KHDRBS2: variants seen among roughly 807,000 people sequenced by gnomAD.
KHDRBS2 encodes the protein KH RNA binding domain containing, signal transduction associated 2.
KHDRBS2 carries 26 observed loss-of-function variants against 44.3 expected under a neutral mutation model. The observed-to-expected ratio is 0.59, with a 90% confidence interval of 0.43 to 0.81. The LOEUF (loss-of-function observed/expected upper bound fraction) is 0.81. Ranked by LOEUF, KHDRBS2 falls within the 40% of genes least tolerant of loss-of-function variation. KHDRBS2 has a pLI of 0.00. For missense variants in KHDRBS2, 476 were observed against 433.1 expected (o/e 1.10, Z -0.88); for synonymous variants, 194 against 151.1 (o/e 1.28, Z -2.08).
chr6:61,906,763 G>C (rs180780289), intron 4 of KHDRBS2, among the ~76,000 whole-genome samples: 143 of 152,164 alleles, frequency 9.4e-4, no homozygotes, highest in African/African-American at 3.2e-3. Context: ...ATTCCATCCT[G>C]TATACCAACC....
chr6:61,911,175 A>G (rs1805985974), intron 4 of KHDRBS2, among the ~76,000 whole-genome samples: 1 of 152,160 alleles, frequency 6.6e-6, no homozygotes, highest in Non-Finnish European at 1.5e-5. Context: ...ATAACCTAGG[A>G]ATTCTAGGCC....
chr6:62,177,302 C>T lies in KHDRBS2; in HGVS notation c.102G>A (p.Lys34=), dbSNP rs374378198. 1 of 1,592,732 alleles carries T rather than the reference C, an allele frequency of 6.3e-7. No individual in the cohort carries two copies. Among genetic ancestry groups the T allele is most frequent in the South Asian group, 1.1e-5 (1 of 89,204 alleles). The change falls in exon 2 of 9, where the codon AAG becomes AAA. Residue 34 remains lysine, a synonymous_variant. Transcript: ENST00000281156. ...ASRLLAEEIE[K]FQGSDGKKED... ...CCTTTTTTCCATCAGAACCTTGAAA[C>T]TTTTCAATTTCTGGAAGAAAATCAC...
intron 1 of KHDRBS2, among the ~76,000 whole-genome samples, chr6:62,190,973 A>G (rs1585131052): frequency 6.6e-6 from 1 of 152,024 alleles, no homozygotes; most frequent in African/African-American, 2.4e-5. Context: ...GGACCCCTTC[A>G]ACCAGTTTCC....
At chr6:61,676,260 G>C (rs1765933311), downstream of KHDRBS2, among the ~76,000 whole-genome samples, 1 of 151,780 alleles carries the variant, frequency 6.6e-6, no homozygotes, top group South Asian at 2.1e-4. Context: ...TATTTTAAGA[G>C]TGAGGCAAGT....
At chr6:61,866,584 C>G (rs1797837611) in intron 6 of KHDRBS2, among the ~76,000 whole-genome samples, 1 of 152,192 alleles carries the variant, frequency 6.6e-6, no homozygotes, top group Non-Finnish European at 1.5e-5. Flanking sequence ...ATTTCTGCAG[C>G]CAGCTTAAAT....
intron 1 of KHDRBS2, among the ~76,000 whole-genome samples, chr6:62,274,814 T>G (rs967738520): frequency 3.9e-5 from 6 of 152,054 alleles, no homozygotes; most frequent in Admixed American, 1.3e-4. Context: ...TCAAACTAAA[T>G]GTAAATCTCA....
rs557708588 is a variant in KHDRBS2 at position 62,090,459 on chromosome 6, T to C, written c.220-42465A>G. On this transcript the variant is annotated intron_variant, in intron 2 of 8. Coordinates refer to ENST00000281156, the MANE Select transcript of KHDRBS2 (RefSeq NM_152688.4). ...TCAGATAATTCAGTGTCAAAACAAA[T>C]TCCCATTTGGTGCACAAATCGTATA... 2.0e-5 allele frequency among the ~76,000 whole-genome samples: 3 copies of C among 152,278 alleles called. No homozygotes were observed. In the South Asian group the frequency reaches 6.2e-4, roughly 32 times the overall value.
chr6:61,901,586 C>T (rs1317867621), intron 4 of KHDRBS2, among the ~76,000 whole-genome samples: 1 of 151,924 alleles, frequency 6.6e-6, no homozygotes. Context: ...CTTCTTTTAT[C>T]AAGAAAGTAC....
Position 62,178,526 on chromosome 6 carries a change from T to G in KHDRBS2, c.92-1214A>C, listed in dbSNP as rs557890570. 1.9e-4 allele frequency among the ~76,000 whole-genome samples: 29 copies of G among 151,494 alleles called. No individual in the cohort carries two copies. The South Asian group carries it at 6.0e-3, about 31-fold the overall frequency. On this transcript the variant is annotated intron_variant, in intron 1 of 8. Transcript: ENST00000281156. ...ATAACATAGTATGTAATATGCAAAA[T>G]CAATCACAGCAGAAGGCAAGCAAAA...
intron 8 of KHDRBS2, among the ~76,000 whole-genome samples, chr6:61,693,621 C>G (rs1416596558): frequency 6.6e-6 from 1 of 152,036 alleles, no homozygotes; most frequent in Non-Finnish European, 1.5e-5. Context: ...CAGTAAAATC[C>G]CTTTCTACAT....
At chr6:62,233,649 C>T (rs188413374) in intron 1 of KHDRBS2, among the ~76,000 whole-genome samples, 35 of 152,186 alleles carry the variant, frequency 2.3e-4, no homozygotes, top group Middle Eastern at 3.4e-3. Flanking sequence ...CCACCCTCCA[C>T]CCTCTGATTG....
chr6:61,653,680 A>C, the KHDRBS2 span, among the ~76,000 whole-genome samples: 1 of 152,018 alleles, frequency 6.6e-6, no homozygotes, highest in Admixed American at 6.6e-5. Context: ...GGAGGCACAA[A>C]TTGAGGCTAC....
intron 6 of KHDRBS2, among the ~76,000 whole-genome samples, chr6:61,863,342 C>G (rs1797307801): frequency 6.6e-6 from 1 of 151,010 alleles, no homozygotes; most frequent in Non-Finnish European, 1.5e-5. Flanking sequence ...GTTAGGGTGC[C>G]TTTGCACTTG....
chr6:61,712,283 AG>A (rs1770636409), intron 7 of KHDRBS2, among the ~76,000 whole-genome samples: 1 of 151,852 alleles, frequency 6.6e-6, no homozygotes, highest in Admixed American at 6.6e-5. Flanking sequence ...GAAAGTAGGG[AG>A]GGGTGAAGAA....
rs1456684012 is a variant in KHDRBS2, at chr6:62,106,880, C to T, written c.220-58886G>A. On this transcript the variant is annotated intron_variant, in intron 2 of 8. Transcript: ENST00000281156. ...CAATAGATGCAGAAAAGGCCTTTGA[C>T]AAAATTCAACAACACTTCATGCTAA... is the stretch of plus-strand genomic sequence containing the variant. Among the ~76,000 whole-genome samples, 4 of 151,832 alleles carry T rather than the reference C, an allele frequency of 2.6e-5. No individual in the cohort carries two copies. In the East Asian group the frequency reaches 7.8e-4, roughly 29 times the overall value.
intron 2 of KHDRBS2, among the ~76,000 whole-genome samples, chr6:62,110,472 C>T (rs1166378943): frequency 1.3e-5 from 2 of 151,960 alleles, no homozygotes; most frequent in African/African-American, 4.8e-5. Context: ...GAACAAAGAA[C>T]CTGTAATATA....
At chr6:61,986,255 C>T (rs932779640) in intron 3 of KHDRBS2, among the ~76,000 whole-genome samples, 3 of 152,172 alleles carry the variant, frequency 2.0e-5, no homozygotes, top group African/African-American at 7.2e-5. Flanking sequence ...GTTTTTCTCT[C>T]AGAGAAGCTA....
intron 6 of KHDRBS2, among the ~76,000 whole-genome samples, chr6:61,875,444 A>C (rs1271574604): frequency 1.3e-5 from 2 of 152,114 alleles, no homozygotes; most frequent in Non-Finnish European, 2.9e-5. Context: ...AATCCTTTCA[A>C]TCTGCTTTAC....
intron 6 of KHDRBS2, among the ~76,000 whole-genome samples, chr6:61,877,437 T>G (rs189844911): frequency 3.7e-4 from 56 of 151,586 alleles, no homozygotes; most frequent in African/African-American, 9.7e-4. Context: ...AGAAAGTTTT[T>G]TTTTTGTTTT....
Sources: gnomAD v4.1 joint callset for allele counts (sites outside exome capture counted in the v4.1 genomes callset) on GRCh38, gnomAD v4.1.1 for gene constraint, MANE v1.5 for transcripts, NCBI Gene and HGNC (gene_info 2026-07-23, HGNC 2026-07-21) for gene names.